Variants in LEKR1 observed in about 807,000 individuals in gnomAD.
LEKR1 encodes protein LEKR1.
In LEKR1, 59 loss-of-function variants were observed where a neutral mutation model predicts 72.4. That is an observed-to-expected ratio of 0.82 (90% CI 0.66 to 1.01). The LOEUF is 1.01. Ranked by LOEUF, LEKR1 falls within the 50% of genes least tolerant of loss-of-function variation. The probability of loss-of-function intolerance (pLI) is 0.00; values close to 1 mark genes in which losing one functional copy is unlikely to be tolerated. For missense variants in LEKR1, 728 were observed against 759.2 expected (o/e 0.96, Z 0.48); for synonymous variants, 257 against 263.2 (o/e 0.98, Z 0.23).
chr3:157,002,682 CA>C (rs1182822585), intron 9 of LEKR1, among the ~76,000 whole-genome samples: 2 of 152,118 alleles, frequency 1.3e-5, no homozygotes, highest in African/African-American at 4.8e-5. Context: ...ACCATAATAT[CA>C]AGCAAAATTA....
chr3:156,998,022 A>G (rs1731719356), intron 9 of LEKR1, among the ~76,000 whole-genome samples: 1 of 152,182 alleles, frequency 6.6e-6, no homozygotes, highest in Non-Finnish European at 1.5e-5. Context: ...GGGACTGGTG[A>G]AAGGGGTTTC....
intron 6 of LEKR1, among the ~76,000 whole-genome samples, chr3:156,955,622 G>A (rs1353658027): frequency 6.6e-6 from 1 of 151,938 alleles, no homozygotes; most frequent in Admixed American, 6.6e-5. Context: ...TTTGTCTTTA[G>A]TTCTGTTTAT....
chr3:156,905,742 A>G (rs961166731), intron 3 of LEKR1, among the ~76,000 whole-genome samples: 3 of 152,128 alleles, frequency 2.0e-5, no homozygotes, highest in African/African-American at 7.2e-5. Flanking sequence ...AGGTAGTTTA[A>G]TTTTCTGAAT....
chr3:156,902,688 C>T (rs1396273699), intron 3 of LEKR1, among the ~76,000 whole-genome samples: 4 of 137,724 alleles, frequency 2.9e-5, no homozygotes, highest in Non-Finnish European at 6.1e-5. Flanking sequence ...TGGAGAACAA[C>T]TTTTTTCCTT....
chr3:156,877,939 C>T (rs1036253312), intron 3 of LEKR1, among the ~76,000 whole-genome samples: 1 of 151,948 alleles, frequency 6.6e-6, no homozygotes, highest in Non-Finnish European at 1.5e-5. Context: ...TGCACCACCA[C>T]GCCCGGCTAA....
intron 4 of LEKR1, among the ~76,000 whole-genome samples, chr3:156,921,211 A>G (rs905487671): frequency 1.3e-5 from 2 of 152,096 alleles, no homozygotes; most frequent in Non-Finnish European, 2.9e-5. Context: ...CTAAAATTTG[A>G]ATTGAGTATA....
chr3:156,868,568 A>G (rs1440693883), intron 3 of LEKR1, among the ~76,000 whole-genome samples: 1 of 152,056 alleles, frequency 6.6e-6, no homozygotes, highest in East Asian at 1.9e-4. Context: ...GTAGAGTGTG[A>G]CAAGGAAGCA....
intron 4 of LEKR1, chr3:156,924,414 T>C: frequency 3.5e-6 from 2 of 573,262 alleles, no homozygotes; most frequent in Non-Finnish European, 6.2e-6. Flanking sequence ...CCCAGTGGCT[T>C]ATCTTTTTAT....
At chr3:156,895,618 A>T (rs1438227256) in intron 3 of LEKR1, among the ~76,000 whole-genome samples, 1 of 152,170 alleles carries the variant, frequency 6.6e-6, no homozygotes, top group South Asian at 2.1e-4. Context: ...CTCAAAAAAA[A>T]AACAAAAACA....
At chr3:156,844,606 A>G (rs59229493) in intron 2 of LEKR1, among the ~76,000 whole-genome samples, 10,088 of 152,114 alleles carry the variant, frequency 0.066, 406 homozygotes, top group African/African-American at 0.11. Context: ...TATAAATGGA[A>G]TCATGTAGTG....
intron 10 of LEKR1, among the ~76,000 whole-genome samples, chr3:157,012,378 G>A (rs1732962025): frequency 6.6e-6 from 1 of 152,094 alleles, no homozygotes; most frequent in Non-Finnish European, 1.5e-5. Flanking sequence ...TTTGACTGAA[G>A]TCCTGACAAC....
chr3:156,890,620 C>A (rs1228616106), intron 3 of LEKR1, among the ~76,000 whole-genome samples: 1 of 152,094 alleles, frequency 6.6e-6, no homozygotes, highest in East Asian at 1.9e-4. Flanking sequence ...TGCATGCAGA[C>A]TTCAGCCTAG....
At chr3:156,882,160 TTAAAC>T (rs1719448323) in intron 3 of LEKR1, among the ~76,000 whole-genome samples, 1 of 151,494 alleles carries the variant, frequency 6.6e-6, no homozygotes, top group African/African-American at 2.4e-5. Context: ...TGGGATCTAA[TTAAAC>T]TAAAGAGCTT....
intron 3 of LEKR1, among the ~76,000 whole-genome samples, chr3:156,918,954 G>T (rs1723922020): frequency 6.6e-6 from 1 of 152,158 alleles, no homozygotes; most frequent in Admixed American, 6.6e-5. Context: ...GGAGGTGTTT[G>T]GGTCATAGGG....
At chr3:156,953,982 C>T (rs1727400077) in intron 6 of LEKR1, among the ~76,000 whole-genome samples, 2 of 152,002 alleles carry the variant, frequency 1.3e-5, no homozygotes, top group Admixed American at 6.6e-5. Context: ...TGTACTCCCA[C>T]CAACAGTGTA....
At chr3:156,849,031 C>T (rs865877476) in intron 2 of LEKR1, among the ~76,000 whole-genome samples, 1 of 152,116 alleles carries the variant, frequency 6.6e-6, no homozygotes, top group Non-Finnish European at 1.5e-5. Context: ...CCAAAATCTC[C>T]TTAACCTGAT....
At chr3:157,027,326 G>A (rs1333677810) in intron 11 of LEKR1, among the ~76,000 whole-genome samples, 7 of 151,902 alleles carry the variant, frequency 4.6e-5, no homozygotes, top group African/African-American at 1.2e-4. Flanking sequence ...TGTTCTGGAA[G>A]GCATAGTATC....
At chr3:156,909,013 A>G (rs936025529) in intron 3 of LEKR1, among the ~76,000 whole-genome samples, 6 of 152,126 alleles carry the variant, frequency 3.9e-5, no homozygotes, top group African/African-American at 1.4e-4. Context: ...TTTCCCCCAT[A>G]CTGTTCTTGT....
chr3:156,875,733 C>A (rs370792433), intron 3 of LEKR1, among the ~76,000 whole-genome samples: 1 of 152,018 alleles, frequency 6.6e-6, no homozygotes, highest in African/African-American at 2.4e-5. Context: ...TGGTGGCTCA[C>A]GCCTGTAATC....
Sources: gnomAD v4.1 joint callset for allele counts (sites outside exome capture counted in the v4.1 genomes callset) on GRCh38, gnomAD v4.1.1 for gene constraint, MANE v1.5 for transcripts, NCBI Gene and HGNC (gene_info 2026-07-23, HGNC 2026-07-21) for gene names.